Variants in UGT2A1 observed in about 807,000 individuals in gnomAD.
UGT2A1 encodes the protein UDP-glucuronosyltransferase 2A1.
UGT2A1 carries 61 observed loss-of-function variants against 45.4 expected under a neutral mutation model. That is an observed-to-expected ratio of 1.34 (90% CI 1.09 to 1.66). The LOEUF (loss-of-function observed/expected upper bound fraction) is 1.66. Ranked by LOEUF, UGT2A1 falls within the 40% of genes most tolerant of loss-of-function variation. The probability of loss-of-function intolerance (pLI) is 0.00; values close to 1 mark genes in which losing one functional copy is unlikely to be tolerated. For missense variants in UGT2A1, 649 were observed against 574.3 expected (o/e 1.13, Z -1.33); for synonymous variants, 229 against 196.2 (o/e 1.17, Z -1.40).
chr4:69,593,951 A>T (rs984242180), intron 6 of UGT2A1, among the ~76,000 whole-genome samples: 8 of 151,122 alleles, frequency 5.3e-5, no homozygotes, highest in African/African-American at 1.9e-4. Flanking sequence ...AAAAATATTG[A>T]AATAATATTT....
intron 2 of UGT2A1, among the ~76,000 whole-genome samples, chr4:69,638,241 G>C (rs745859579): frequency 2.6e-5 from 4 of 152,064 alleles, no homozygotes; most frequent in Non-Finnish European, 5.9e-5. Context: ...AAAATATAAA[G>C]GGAGGCTCAT....
At chr4:69,634,073 G>A (rs1393012208) in intron 3 of UGT2A1, among the ~76,000 whole-genome samples, 5 of 151,956 alleles carry the variant, frequency 3.3e-5, no homozygotes, top group African/African-American at 1.2e-4. Flanking sequence ...GTGAAACCCC[G>A]TCTCTACTAA....
rs1719148578 is a variant in UGT2A1, at chr4:69,599,687, A to G, written c.848-293T>C. The G allele has an allele frequency of 1.6e-5, 4 of 252,818 alleles. No individual in the cohort carries two copies. In the East Asian group the frequency reaches 3.1e-4, roughly 19 times the overall value. 15.7% of individuals were successfully genotyped at this position (252,818 alleles called of 1,614,324 possible). A position where few individuals can be genotyped will look rare whatever the true frequency, so the allele number is the denominator to read the frequency against. On this transcript the variant is annotated intron_variant, in intron 3 of 6. Transcript: ENST00000286604. ...GAGAAAAAGGGAAGAAAGAGGTAGAAATAAAGAAAGAGAGAGAGAGAGGAA... is the reference window on the plus strand; with the variant it reads ...GAGAAAAAGGGAAGAAAGAGGTAGAGATAAAGAAAGAGAGAGAGAGAGGAA...
intron 3 of UGT2A1, among the ~76,000 whole-genome samples, chr4:69,609,000 AATTATAAAGAGTATG>A (rs778019872): frequency 3.1e-4 from 47 of 152,140 alleles, no homozygotes; most frequent in Non-Finnish European, 5.7e-4. Context: ...CATAAAGAAA[AATTATAAAGAGTATG>A]ATTAATATAT....
At chr4:69,607,640 G>A (rs1327559130) in intron 3 of UGT2A1, among the ~76,000 whole-genome samples, 2 of 151,712 alleles carry the variant, frequency 1.3e-5, no homozygotes, top group Non-Finnish European at 2.9e-5. Flanking sequence ...GCAACCTACA[G>A]AATGGGAGAA....
At chr4:69,605,489 C>T (rs950050609) in intron 3 of UGT2A1, among the ~76,000 whole-genome samples, 1 of 136,368 alleles carries the variant, frequency 7.3e-6, no homozygotes, top group Non-Finnish European at 1.6e-5. Context: ...AAAATTGACA[C>T]CCCAACATCA....
intron 2 of UGT2A1, among the ~76,000 whole-genome samples, chr4:69,641,988 C>G (rs1462858460): frequency 4.0e-5 from 6 of 151,726 alleles, no homozygotes; most frequent in Admixed American, 4.0e-4. Context: ...ACTGGGGAAT[C>G]TAGGGTTTGG....
At chr4:69,634,565 T>C (rs1577995985) in intron 3 of UGT2A1, among the ~76,000 whole-genome samples, 1 of 152,156 alleles carries the variant, frequency 6.6e-6, no homozygotes, top group Non-Finnish European at 1.5e-5. Context: ...GGCTGTTTTT[T>C]TCTTAAGTTA....
intron 6 of UGT2A1, among the ~76,000 whole-genome samples, chr4:69,592,887 T>C (rs1420966736): frequency 3.3e-5 from 5 of 152,070 alleles, no homozygotes; most frequent in Non-Finnish European, 7.4e-5. Flanking sequence ...CACAGTATAA[T>C]TGAAGAAAAA....
intron 3 of UGT2A1, chr4:69,599,625 C>A: frequency 4.4e-6 from 2 of 454,008 alleles, no homozygotes; most frequent in South Asian, 5.9e-5. Context: ...GGAAGGCAGG[C>A]AAGCAGGGAG....
At chr4:69,643,442 G>A (rs967242649) in intron 2 of UGT2A1, among the ~76,000 whole-genome samples, 3 of 151,542 alleles carry the variant, frequency 2.0e-5, no homozygotes, top group Non-Finnish European at 3.0e-5. Flanking sequence ...TAACATGTTT[G>A]ATATTTCCAA....
chr4:69,589,575 A>C lies in UGT2A1; in HGVS notation c.1381T>G (p.Trp461Gly), dbSNP rs759466309. The change falls in exon 7 of 7, where the codon TGG becomes GGG. Residue 461 changes from tryptophan (W) to glycine (G), a missense_variant. Coordinates refer to ENST00000286604, the MANE Select transcript of UGT2A1 (RefSeq NM_001252275.3). ...PVKPLDRAVF[W>G]IEFVMRHKGA... ...TTGTGGCGCATGACAAACTCGATCC[A>C]GAAGACTGCTCGATCCAGGGGCTTT... 5 of 1,613,970 alleles carry C rather than the reference A, an allele frequency of 3.1e-6. No individual in the cohort carries two copies. Among genetic ancestry groups the C allele is most frequent in the Middle Eastern group, 3.3e-4 (2 of 6,076 alleles).
intron 3 of UGT2A1, among the ~76,000 whole-genome samples, chr4:69,628,618 C>T (rs1721219926): frequency 6.6e-6 from 1 of 150,834 alleles, no homozygotes; most frequent in African/African-American, 2.4e-5. Context: ...ATTCTTAAAA[C>T]TTAGAAAACA....
At chr4:69,633,984 G>C (rs1721529217) in intron 3 of UGT2A1, among the ~76,000 whole-genome samples, 1 of 152,100 alleles carries the variant, frequency 6.6e-6, no homozygotes, top group African/African-American at 2.4e-5. Context: ...GGTGGCTCAC[G>C]CCTGTAATCT....
chr4:69,619,277 T>A (rs1311737465), intron 3 of UGT2A1, among the ~76,000 whole-genome samples: 1 of 151,804 alleles, frequency 6.6e-6, no homozygotes, highest in Non-Finnish European at 1.5e-5. Context: ...GGTGCATGCG[T>A]GTAGTCCAGC....
intron 3 of UGT2A1, among the ~76,000 whole-genome samples, chr4:69,617,299 T>C (rs2109929116): frequency 6.6e-6 from 1 of 152,012 alleles, no homozygotes; most frequent in Non-Finnish European, 1.5e-5. Flanking sequence ...CTATGGATGA[T>C]GGTTGATAGT....
intron 6 of UGT2A1, among the ~76,000 whole-genome samples, chr4:69,590,606 G>T (rs962790857): frequency 1.3e-5 from 2 of 151,712 alleles, no homozygotes; most frequent in African/African-American, 4.8e-5. Flanking sequence ...GGTACAACTA[G>T]ATTCAGCAGC....
intron 3 of UGT2A1, among the ~76,000 whole-genome samples, chr4:69,629,152 T>C (rs755063407): frequency 2.0e-5 from 3 of 152,034 alleles, no homozygotes; most frequent in Non-Finnish European, 2.9e-5. Context: ...TTCAGTGATA[T>C]TCACACATGC....
chr4:69,599,793 T>C (rs1719161727), intron 3 of UGT2A1: 4 of 153,424 alleles, frequency 2.6e-5, no homozygotes, highest in Admixed American at 6.6e-5. Flanking sequence ...GGAGGGAGGA[T>C]TTTTTGTTAG....
Sources: gnomAD v4.1 joint callset for allele counts (sites outside exome capture counted in the v4.1 genomes callset) on GRCh38, gnomAD v4.1.1 for gene constraint, MANE v1.5 for transcripts, NCBI Gene and HGNC (gene_info 2026-07-23, HGNC 2026-07-21) for gene names.